The following WDTC1 variants were observed in gnomAD, a reference collection of about 807,000 sequenced individuals.
The protein encoded by WDTC1 is WD and tetratricopeptide repeats protein 1.
A neutral mutation model predicts 76.0 loss-of-function variants in WDTC1; 12 were observed. That is an observed-to-expected ratio of 0.16 (90% confidence interval 0.10 to 0.26). The LOEUF (loss-of-function observed/expected upper bound fraction) is 0.26, where lower values mean the gene tolerates loss of function less well. Among genes scored for constraint, WDTC1 ranks in the 10% least tolerant of loss-of-function variants. The pLI, the probability that WDTC1 is intolerant of heterozygous loss-of-function variation, is 1.00. For synonymous variants in WDTC1, 326 were observed against 350.8 expected (o/e 0.93, Z 0.79); for missense variants, 511 against 908.8 (o/e 0.56, Z 5.63).
At position 27,305,200 on chromosome 1, in the gene WDTC1, G is replaced by T; in HGVS notation, c.1836+7G>T. 6.2e-7 allele frequency: 1 copy of T among 1,612,588 alleles called. No homozygotes were observed. Among genetic ancestry groups the T allele is most frequent in the Non-Finnish European group, 8.5e-7 (1 of 1,179,518 alleles). ...CTGGAACCCCCGACCAGAGGTGAGG[G>T]TGCAGAGCCAAGCAGAGAGGAGGGC... On this transcript the variant is annotated splice_region_variant and intron_variant, in intron 15 of 15. Coordinates refer to ENST00000319394, the MANE Select transcript of WDTC1 (RefSeq NM_001276252.2). This position sits in a 1 kb window ranked among gnomAD's most constrained non-coding sequence, Gnocchi z 4.6.
intron 3 of WDTC1, among the ~76,000 whole-genome samples, chr1:27,276,733 A>G (rs907125914): frequency 6.7e-6 from 1 of 150,334 alleles, no homozygotes; most frequent in African/African-American, 2.4e-5. Context: ...TTTTTTTATT[A>G]TAGCCCTCCT....
At chr1:27,245,393 A>G (rs1570937270) in intron 1 of WDTC1, among the ~76,000 whole-genome samples, 1 of 151,684 alleles carries the variant, frequency 6.6e-6, no homozygotes, top group Non-Finnish European at 1.5e-5. Flanking sequence ...CAATGGATGA[A>G]TCGGATGAAG....
At chr1:27,283,487 G>A in intron 5 of WDTC1, 38 bp downstream of exon 5, 1 of 1,602,544 alleles carries the variant, frequency 6.2e-7, no homozygotes, top group African/African-American at 1.3e-5. Context: ...ACAAGCCACA[G>A]ATCAAGCACA....
At chr1:27,249,819 CT>C (rs1352889704) in intron 1 of WDTC1, among the ~76,000 whole-genome samples, 1 of 152,162 alleles carries the variant, frequency 6.6e-6, no homozygotes, top group Non-Finnish European at 1.5e-5. Flanking sequence ...TCAAGTGATT[CT>C]CCCTCGGCCT....
Position 27,294,496 on chromosome 1 carries a change from C to G in WDTC1, c.758-18C>G, listed in dbSNP as rs1307395365. On this transcript the variant is annotated intron_variant, in intron 8 of 15. Coordinates refer to ENST00000319394, the MANE Select transcript of WDTC1 (RefSeq NM_001276252.2). ...GAAAGGGACTGGGACCCTAGTATGA[C>G]TGGGCTATTCCCTGCAGGTCACCTG... 6.2e-7 allele frequency: 1 copy of G among 1,611,030 alleles called. No individual in the cohort carries two copies. The highest frequency in any genetic ancestry group is 1.7e-5 in the Admixed American group (1 of 60,020).
chr1:27,281,598 G>A (rs1228529719), intron 3 of WDTC1, among the ~76,000 whole-genome samples: 3 of 151,708 alleles, frequency 2.0e-5, no homozygotes, highest in Admixed American at 1.3e-4. Flanking sequence ...TTTTTGTTTT[G>A]TTTTGTTTGA....
At chr1:27,293,073 A>G (rs574932894) in intron 7 of WDTC1, among the ~76,000 whole-genome samples, 3 of 151,832 alleles carry the variant, frequency 2.0e-5, no homozygotes, top group African/African-American at 4.8e-5. Context: ...TCTTTATGAA[A>G]TGGACTTTCT....
At chr1:27,282,799 C>T (rs899941844) in intron 4 of WDTC1, among the ~76,000 whole-genome samples, 2 of 151,746 alleles carry the variant, frequency 1.3e-5, no homozygotes, top group African/African-American at 2.4e-5. Context: ...CTACCGCGCC[C>T]GGCCCAAAAC....
At chr1:27,282,808 A>G (rs2013224216) in intron 4 of WDTC1, among the ~76,000 whole-genome samples, 1 of 150,852 alleles carries the variant, frequency 6.6e-6, no homozygotes, top group Non-Finnish European at 1.5e-5. Context: ...CCGGCCCAAA[A>G]CCCTGTTTTT....
chr1:27,289,409 C>T (rs1230679589), intron 6 of WDTC1, among the ~76,000 whole-genome samples: 1 of 150,892 alleles, frequency 6.6e-6, no homozygotes, highest in Non-Finnish European at 1.5e-5. Flanking sequence ...AGAGGCGCTC[C>T]TCACATCTCA....
intron 1 of WDTC1, among the ~76,000 whole-genome samples, chr1:27,250,689 A>G (rs1018675900): frequency 2.6e-5 from 4 of 152,100 alleles, no homozygotes; most frequent in Admixed American, 6.6e-5. Context: ...TATAGCACAC[A>G]TGAAAGGAGT....
chr1:27,253,407 C>CCCCCTT (rs2012159267), intron 1 of WDTC1, among the ~76,000 whole-genome samples: 3 of 90,520 alleles, frequency 3.3e-5, no homozygotes, highest in Non-Finnish European at 6.4e-5. Context: ...CCCTCCCCCT[C>CCCCCTT]CCCTCCTCCT....
chr1:27,283,518 A>G, intron 5 of WDTC1, 69 bp downstream of exon 5: 1 of 1,456,468 alleles, frequency 6.9e-7, no homozygotes, highest in East Asian at 2.3e-5. Context: ...GGCTGTGGCC[A>G]CGCCATGTTG....
Position 27,262,849 on chromosome 1 carries a change from C to A in WDTC1, c.49-303C>A, listed in dbSNP as rs191474127. Among the ~76,000 whole-genome samples, 209 of 152,046 alleles carry A rather than the reference C, an allele frequency of 1.4e-3. 1 individual carries two copies. Among genetic ancestry groups the A allele is most frequent in the Non-Finnish European group, 2.5e-3 (172 of 67,982 alleles). On this transcript the variant is annotated intron_variant, in intron 2 of 15. Transcript: ENST00000319394. Reference sequence around the variant, plus strand: ...TATGTGTCCTAAAGATGATGCCCACCCTGTCCAACCTAAATATGGAACTAT... The same window carrying A: ...TATGTGTCCTAAAGATGATGCCCACACTGTCCAACCTAAATATGGAACTAT...
chr1:27,303,977 C>A lies in WDTC1; in HGVS notation c.1643+182C>A. ...TTTAATCTATGAAATGACCAACCTG[C>A]CATGCCCATTTATGAGGCCATAACA... is the stretch of plus-strand genomic sequence containing the variant. On this transcript the variant is annotated intron_variant, in intron 14 of 15. Transcript: ENST00000319394. The surrounding 1 kb of genome is among the most constrained non-coding windows in gnomAD (Gnocchi z 4.8). 1 of 734,088 alleles carries A rather than the reference C, an allele frequency of 1.4e-6. No individual in the cohort carries two copies. Among genetic ancestry groups the A allele is most frequent in the African/African-American group, 1.8e-5 (1 of 54,508 alleles). 45.5% of individuals were successfully genotyped at this position (734,088 alleles called of 1,614,324 possible). A position where few individuals can be genotyped will look rare whatever the true frequency, so the allele number is the denominator to read the frequency against.
chr1:27,288,122 C>T (rs562350741), intron 6 of WDTC1, among the ~76,000 whole-genome samples: 43 of 152,260 alleles, frequency 2.8e-4, no homozygotes, highest in African/African-American at 8.9e-4. Flanking sequence ...TCTCTACTGC[C>T]TCTGGGCATT....
intron 6 of WDTC1, among the ~76,000 whole-genome samples, chr1:27,289,151 G>A (rs1457655662): frequency 1.3e-5 from 2 of 150,292 alleles, no homozygotes; most frequent in African/African-American, 2.4e-5. Context: ...CCCAGTAGGG[G>A]CGGCCGGGCA....
intron 11 of WDTC1, 144 bp from the exon 12 acceptor site, chr1:27,297,794 A>G: frequency 1.3e-6 from 1 of 744,298 alleles, no homozygotes; most frequent in Non-Finnish European, 2.1e-6. Flanking sequence ...ATCCCAGACC[A>G]GGGTAGTGGT....
rs1195846231 is a variant in WDTC1, at chr1:27,306,132, C to G, written c.1837-54C>G. On this transcript the variant is annotated intron_variant, in intron 15 of 15. Coordinates refer to ENST00000319394, the MANE Select transcript of WDTC1 (RefSeq NM_001276252.2). This position sits in a 1 kb window ranked among gnomAD's most constrained non-coding sequence, Gnocchi z 5.0. ...CCTCCCCCTCCCCTATACGTGTACC[C>G]TGGTGCCTCTCCCTCCCTGAGCCCC... The G allele has an allele frequency of 1.6e-5, 26 of 1,604,070 alleles. No homozygotes were observed. Among genetic ancestry groups the G allele is most frequent in the Non-Finnish European group, 2.0e-5 (23 of 1,172,260 alleles).
Sources: allele counts gnomAD v4.1 joint callset (sites outside exome capture counted in the v4.1 genomes callset), GRCh38; gene constraint gnomAD v4.1.1; non-coding constraint Gnocchi (gnomAD v3.1); transcripts MANE v1.5; gene names NCBI Gene and HGNC (gene_info 2026-07-23, HGNC 2026-07-21).